Variants in ZNF565 observed in about 807,000 individuals in gnomAD.
ZNF565 encodes zinc finger protein 565.
A neutral mutation model predicts 39.4 loss-of-function variants in ZNF565; 27 were observed. The ratio of observed to expected loss-of-function variants is 0.69; its 90% CI spans 0.51 to 0.95. The LOEUF (loss-of-function observed/expected upper bound fraction) is 0.95. Ranked by LOEUF, ZNF565 falls within the 40% of genes least tolerant of loss-of-function variation. The pLI is 0.00. For missense variants in ZNF565, 524 were observed against 621.1 expected (o/e 0.84, Z 1.66); for synonymous variants, 185 against 216.6 (o/e 0.85, Z 1.28).
intron 1 of ZNF565, among the ~76,000 whole-genome samples, chr19:36,225,842 C>T (rs117479727): frequency 0.058 from 8,615 of 147,936 alleles, 333 homozygotes; most frequent in Non-Finnish European, 0.085. Context: ...CTCACTGCAA[C>T]GTCCACCTCC....
chr19:36,196,664 A>C (rs1975769537), intron 2 of ZNF565, among the ~76,000 whole-genome samples: 2 of 152,104 alleles, frequency 1.3e-5, no homozygotes, highest in African/African-American at 4.8e-5. Context: ...GGGCCTGGCA[A>C]ATCTAATGTC....
At chr19:36,244,706 C>G (rs2029880244) in intron 1 of ZNF565, among the ~76,000 whole-genome samples, 1 of 152,000 alleles carries the variant, frequency 6.6e-6, no homozygotes, top group Admixed American at 6.5e-5. Flanking sequence ...CAAAAATTAG[C>G]CGGGTGTGGT....
intron 1 of ZNF565, among the ~76,000 whole-genome samples, chr19:36,222,487 A>G (rs1297239662): frequency 6.6e-6 from 1 of 152,100 alleles, no homozygotes; most frequent in Non-Finnish European, 1.5e-5. Flanking sequence ...AAGTACTTAC[A>G]CTCCCACAAG....
At chr19:36,241,257 G>T (rs182567982) in intron 1 of ZNF565, among the ~76,000 whole-genome samples, 1 of 152,000 alleles carries the variant, frequency 6.6e-6, no homozygotes, top group Non-Finnish European at 1.5e-5. Flanking sequence ...AGGCCAAGGC[G>T]GGCGGATCAC....
intron 1 of ZNF565, among the ~76,000 whole-genome samples, chr19:36,232,592 G>GTTCTTTT (rs780038978): frequency 6.7e-6 from 1 of 149,138 alleles, no homozygotes; most frequent in African/African-American, 2.5e-5. Context: ...ATACTGATCA[G>GTTCTTTT]TTCTTTTTTC....
intron 1 of ZNF565, among the ~76,000 whole-genome samples, chr19:36,205,561 C>T (rs912914383): frequency 1.3e-5 from 2 of 152,032 alleles, no homozygotes; most frequent in African/African-American, 4.8e-5. Flanking sequence ...TAGGTTTTCA[C>T]TTATTAATGA....
chr19:36,204,090 T>C (rs1976065444), intron 1 of ZNF565, among the ~76,000 whole-genome samples: 1 of 149,628 alleles, frequency 6.7e-6, no homozygotes, highest in African/African-American at 2.5e-5. Context: ...GCTAGGACCA[T>C]AGGCATGCAC....
chr19:36,182,165 A>C (rs1384523654), downstream of ZNF565: 3 of 271,888 alleles, frequency 1.1e-5, no homozygotes, highest in Admixed American at 1.4e-4. Context: ...GAATCTTTTA[A>C]TCGGGTCATT....
chr19:36,228,174 AAAAG>A (rs371256255), intron 1 of ZNF565, among the ~76,000 whole-genome samples: 3 of 144,224 alleles, frequency 2.1e-5, no homozygotes, highest in African/African-American at 7.8e-5. Context: ...AAAAAAAAAA[AAAAG>A]AAAGAATTTC....
At chr19:36,203,602 G>A (rs951400121) in intron 1 of ZNF565, 2 of 152,302 alleles carry the variant, frequency 1.3e-5, no homozygotes, top group African/African-American at 4.8e-5. Context: ...TTGAGACAGG[G>A]TCTCACTCTG....
rs112189944 is a variant in ZNF565, at chr19:36,230,796, C to CTTCCTT, written c.55+14674_55+14679dup. ...GAGACCCAACAGAGGGCCAGCCTTC[C>CTTCCTT]TTCCTTTTCCTTTTCCTTTTTTTGA... is the stretch of plus-strand genomic sequence containing the variant. On this transcript the variant is annotated intron_variant, in intron 1 of 4. Transcript: ENST00000355114. 9.1e-4 allele frequency among the ~76,000 whole-genome samples: 139 copies of CTTCCTT among 152,082 alleles called. No homozygotes were observed. The East Asian group carries it at 0.017, about 19-fold the overall frequency.
In ZNF565 at chr19:36,201,966, T is replaced by C. The variant is rs1975981535; in HGVS notation, c.9+11A>G. 7.4e-6 allele frequency: 12 copies of C among 1,613,840 alleles called. No homozygotes were observed. Among genetic ancestry groups the C allele is most frequent in the Non-Finnish European group, 1.0e-5 (12 of 1,179,892 alleles). ...CAGATCATTCTAAGGATAGAAGGAATTTCAACATACCTGGGCCATGGCTTT... is the reference window on the plus strand; with the variant it reads ...CAGATCATTCTAAGGATAGAAGGAACTTCAACATACCTGGGCCATGGCTTT... On this transcript the variant is annotated intron_variant, in intron 2 of 4. Coordinates refer to ENST00000304116, the MANE Select transcript of ZNF565 (RefSeq NM_152477.5).
At position 36,245,397 on chromosome 19, in the gene ZNF565, G is replaced by C. The variant is rs908475195; in HGVS notation, c.55+79C>G. On this transcript the variant is annotated intron_variant, in intron 1 of 4. Transcript: ENST00000355114. This position sits in a 1 kb window ranked among gnomAD's most constrained non-coding sequence, Gnocchi z 4.4. Reference sequence around the variant, plus strand: ...AAGGGAGGACAGTCACTGCGACCCGGAAAGCTCCGCGCTTACGACGCCCAC... The same window carrying C: ...AAGGGAGGACAGTCACTGCGACCCGCAAAGCTCCGCGCTTACGACGCCCAC... 1 of 699,638 alleles carries C rather than the reference G, an allele frequency of 1.4e-6. No individual in the cohort carries two copies. Among genetic ancestry groups the C allele is most frequent in the East Asian group, 2.7e-5 (1 of 37,272 alleles). 43.3% of individuals were successfully genotyped at this position (699,638 alleles called of 1,614,324 possible). A position where few individuals can be genotyped will look rare whatever the true frequency, so the allele number is the denominator to read the frequency against.
At position 36,201,977 on chromosome 19, in the gene ZNF565, C is replaced by G. The variant is rs1555738100; in HGVS notation, c.9G>C (p.Gln3His). The change falls in exon 2 of 5, where the codon CAG (glutamine) becomes CAC (histidine). Residue 3 changes from glutamine to histidine, a missense_variant and splice_region_variant. Coordinates refer to ENST00000304116, the MANE Select transcript of ZNF565 (RefSeq NM_152477.5). ...AAGGATAGAAGGAATTTCAACATAC[C>G]TGGGCCATGGCTTTTAGAACTATTT... MA[Q>H]GLVTFRDVAI... The G allele has an allele frequency of 1.2e-6, 2 of 1,613,996 alleles. No homozygotes were observed. The highest frequency in any genetic ancestry group is 1.7e-6 in the Non-Finnish European group (2 of 1,179,936).
chr19:36,201,868 G>A lies in ZNF565; in HGVS notation c.9+109C>T, dbSNP rs894837417. Reference sequence around the variant, plus strand: ...GGCACCATTACTCATCTCCTGGAATGGACCAACTGTGAGAAGGATACAGGG... The same window carrying A: ...GGCACCATTACTCATCTCCTGGAATAGACCAACTGTGAGAAGGATACAGGG... On this transcript the variant is annotated intron_variant, in intron 2 of 4. Transcript: ENST00000304116. The A allele has an allele frequency of 7.5e-6, 10 of 1,329,014 alleles. No homozygotes were observed. The Admixed American group carries it at 1.3e-4, about 17-fold the overall frequency. 82.3% of individuals were successfully genotyped at this position (1,329,014 alleles called of 1,614,324 possible).
At chr19:36,214,365 C>G (rs1411951100) in intron 1 of ZNF565, among the ~76,000 whole-genome samples, 1 of 151,778 alleles carries the variant, frequency 6.6e-6, no homozygotes, top group Non-Finnish European at 1.5e-5. Flanking sequence ...ACATATACAA[C>G]GGGGACACAC....
At chr19:36,203,454 C>A (rs1281824339) in intron 1 of ZNF565, 1 of 152,116 alleles carries the variant, frequency 6.6e-6, no homozygotes, top group African/African-American at 2.4e-5. Context: ...TACCTTCCGA[C>A]CATCTACTGC....
chr19:36,242,807 G>A (rs2145480518), intron 1 of ZNF565, among the ~76,000 whole-genome samples: 1 of 152,294 alleles, frequency 6.6e-6, no homozygotes, highest in African/African-American at 2.4e-5. Context: ...TGTCCAGCAA[G>A]CACATGAAAA....
chr19:36,236,387 C>G, intron 1 of ZNF565: 3 of 1,537,954 alleles, frequency 2.0e-6, no homozygotes, highest in Non-Finnish European at 2.6e-6. Flanking sequence ...CCTCACTCAT[C>G]AAGAAATTTT....
Sources: gnomAD v4.1 joint callset for allele counts (sites outside exome capture counted in the v4.1 genomes callset) on GRCh38, gnomAD v4.1.1 for gene constraint, Gnocchi (gnomAD v3.1) non-coding constraint, MANE v1.5 for transcripts, NCBI Gene and HGNC (gene_info 2026-07-23, HGNC 2026-07-21) for gene names.